TRABD2B: variants seen among roughly 807,000 people sequenced by gnomAD.
The protein encoded by TRABD2B is TraB domain containing 2B.
Under a neutral mutation model 40.1 loss-of-function variants are expected in TRABD2B, and 14 were observed. The observed-to-expected ratio is 0.35, with a 90% CI of 0.23 to 0.55. The LOEUF (loss-of-function observed/expected upper bound fraction) is 0.55. Ranked by LOEUF, TRABD2B falls within the 20% of genes least tolerant of loss-of-function variation. TRABD2B has a pLI of 0.90. For missense variants in TRABD2B, 541 were observed against 648.6 expected, an observed-to-expected ratio of 0.83 and a Z score of 1.80; for synonymous variants, 263 against 277.0, an observed-to-expected ratio of 0.95 and a Z score of 0.50.
chr1:47,845,365 T>C (rs1216157055), intron 2 of TRABD2B, among the ~76,000 whole-genome samples: 3 of 152,204 alleles, frequency 2.0e-5, no homozygotes, highest in Non-Finnish European at 4.4e-5. Context: ...AAATAGTGAG[T>C]AATTATTTTG....
At position 47,952,801 on chromosome 1, in the gene TRABD2B, C is replaced by G. The variant is rs576054862; in HGVS notation, c.666+41233G>C. On this transcript the variant is annotated intron_variant, in intron 2 of 6. Transcript: ENST00000606738. ...ACCAAATGAGCAAAATGAACTATCC[C>G]CAGTCTTACAGAACTACTCTCCCAC... is the stretch of plus-strand genomic sequence containing the variant. Among the ~76,000 whole-genome samples, 4 of 152,288 alleles carry G rather than the reference C, an allele frequency of 2.6e-5. No homozygotes were observed. In the East Asian group the frequency reaches 7.8e-4, roughly 30 times the overall value.
chr1:47,923,832 CTG>C (rs1236981103), intron 2 of TRABD2B, among the ~76,000 whole-genome samples: 1 of 151,956 alleles, frequency 6.6e-6, no homozygotes. Context: ...ACCCTGAAGA[CTG>C]TGGACCTGCA....
intron 3 of TRABD2B, among the ~76,000 whole-genome samples, chr1:47,796,448 C>G (rs1644749410): frequency 6.6e-6 from 1 of 152,222 alleles, no homozygotes; most frequent in South Asian, 2.1e-4. Context: ...GCAGCCCAGC[C>G]ACATGGCTTC....
chr1:47,789,259 T>C (rs1324314660), intron 4 of TRABD2B, among the ~76,000 whole-genome samples: 1 of 152,172 alleles, frequency 6.6e-6, no homozygotes, highest in African/African-American at 2.4e-5. Context: ...ACACCCCAGC[T>C]GCTTGGTGTT....
chr1:47,897,031 T>C (rs980610761), intron 2 of TRABD2B, among the ~76,000 whole-genome samples: 1 of 152,132 alleles, frequency 6.6e-6, no homozygotes, highest in Non-Finnish European at 1.5e-5. Flanking sequence ...TTGGATGTGA[T>C]AGGGTAAGAT....
chr1:47,795,700 G>C, intron 3 of TRABD2B: 1 of 985,298 alleles, frequency 1.0e-6, no homozygotes, highest in Non-Finnish European at 1.2e-6. Flanking sequence ...TGAGAGAAAG[G>C]ATCATCACTT....
rs551409321 is a variant in TRABD2B, at chr1:47,993,207, G to C, written c.666+827C>G. On this transcript the variant is annotated intron_variant, in intron 2 of 6. Transcript: ENST00000606738. ...CTGGGATTGACAGCCCCGTTCTCAAGGCACAGATGTGAACTCATTGTTCCC... is the reference window on the plus strand; with the variant it reads ...CTGGGATTGACAGCCCCGTTCTCAACGCACAGATGTGAACTCATTGTTCCC... Among the ~76,000 whole-genome samples the C allele has an allele frequency of 2.0e-5, 3 of 152,292 alleles. No individual in the cohort carries two copies. In the East Asian group the frequency reaches 5.8e-4, roughly 30 times the overall value.
intron 2 of TRABD2B, among the ~76,000 whole-genome samples, chr1:47,914,264 C>A (rs1424515451): frequency 1.3e-5 from 2 of 152,216 alleles, no homozygotes; most frequent in African/African-American, 4.8e-5. Flanking sequence ...AGAACTAGCC[C>A]AGGGAATGCA....
rs1155279 is a variant in TRABD2B at position 47,913,068 on chromosome 1, G to A, written c.666+80966C>T. ...TTTTACTTCTTCAGTTCAGTTCCCCGACCAGGCCCAGCTCCATGCTCTGTA... is the reference window on the plus strand; with the variant it reads ...TTTTACTTCTTCAGTTCAGTTCCCCAACCAGGCCCAGCTCCATGCTCTGTA... On this transcript the variant is annotated intron_variant, in intron 2 of 6. Transcript: ENST00000606738. Among the ~76,000 whole-genome samples the A allele has an allele frequency of 4.4e-3, 671 of 152,312 alleles. 4 individuals are homozygous for A. Among genetic ancestry groups the A allele is most frequent in the Non-Finnish European group, 5.5e-3 (375 of 68,042 alleles).
intron 2 of TRABD2B, among the ~76,000 whole-genome samples, chr1:47,844,977 C>T (rs1048657111): frequency 6.6e-6 from 1 of 152,144 alleles, no homozygotes; most frequent in African/African-American, 2.4e-5. Flanking sequence ...GGCAGGAGAT[C>T]CTCCAGCAGT....
At chr1:47,766,222 G>C (rs1569862641) in intron 6 of TRABD2B, 116 bp from the exon 7 acceptor site, 2 of 633,954 alleles carry the variant, frequency 3.2e-6, no homozygotes, top group East Asian at 5.5e-5. Context: ...ATGGAGAAGG[G>C]AACAAGGAGC....
intron 2 of TRABD2B, among the ~76,000 whole-genome samples, chr1:47,896,812 G>A (rs1644528936): frequency 6.6e-6 from 1 of 152,130 alleles, no homozygotes; most frequent in South Asian, 2.1e-4. Flanking sequence ...CTGAAAAGTG[G>A]GAATCATGAC....
intron 2 of TRABD2B, among the ~76,000 whole-genome samples, chr1:47,846,857 T>C (rs866753912): frequency 5.6e-5 from 6 of 106,390 alleles, no homozygotes; most frequent in African/African-American, 1.3e-4. Flanking sequence ...AAAACATGCA[T>C]ACACACACAC....
At chr1:47,923,978 A>C (rs1212020518) in intron 2 of TRABD2B, among the ~76,000 whole-genome samples, 1 of 147,278 alleles carries the variant, frequency 6.8e-6, no homozygotes, top group Non-Finnish European at 1.5e-5. Flanking sequence ...ACATCCTATT[A>C]GTTCTGTTTC....
At chr1:47,937,864 A>T (rs1454624616) in intron 2 of TRABD2B, among the ~76,000 whole-genome samples, 2 of 152,196 alleles carry the variant, frequency 1.3e-5, no homozygotes, top group Non-Finnish European at 2.9e-5. Flanking sequence ...CAGGGAGATA[A>T]ATCAAATGCT....
intron 2 of TRABD2B, among the ~76,000 whole-genome samples, chr1:47,959,230 T>C (rs1161735096): frequency 1.3e-5 from 2 of 152,074 alleles, no homozygotes; most frequent in Admixed American, 1.3e-4. Flanking sequence ...GAGGGAAATT[T>C]ATAGCACTAA....
At chr1:47,992,654 G>T (rs974165787) in intron 2 of TRABD2B, among the ~76,000 whole-genome samples, 1 of 152,226 alleles carries the variant, frequency 6.6e-6, no homozygotes, top group African/African-American at 2.4e-5. Context: ...GATAATATCA[G>T]CTCCCGAGGC....
At chr1:47,817,446 T>C (rs1645049536) in intron 2 of TRABD2B, among the ~76,000 whole-genome samples, 1 of 151,610 alleles carries the variant, frequency 6.6e-6, no homozygotes, top group South Asian at 2.1e-4. Flanking sequence ...TCAAAATACC[T>C]CCCCTTCCCT....
intron 2 of TRABD2B, among the ~76,000 whole-genome samples, chr1:47,960,910 C>T (rs995716421): frequency 6.6e-6 from 1 of 152,092 alleles, no homozygotes; most frequent in African/African-American, 2.4e-5. Flanking sequence ...CCAAGTCAAT[C>T]CTGAGCCAAA....
Sources: gnomAD v4.1 joint callset for allele counts (sites outside exome capture counted in the v4.1 genomes callset) on GRCh38, gnomAD v4.1.1 for gene constraint, MANE v1.5 for transcripts, NCBI Gene and HGNC (gene_info 2026-07-23, HGNC 2026-07-21) for gene names.